The following CCNJL variants were observed in gnomAD, a reference collection of about 807,000 sequenced individuals.
CCNJL encodes the protein cyclin J like.
In CCNJL, 33 loss-of-function variants were observed where a neutral mutation model predicts 33.4. That is an observed-to-expected ratio of 0.99 (90% CI 0.75 to 1.32). CCNJL has a LOEUF of 1.32. Among genes scored for constraint, CCNJL ranks in the 40% most tolerant of loss-of-function variants. The probability of loss-of-function intolerance (pLI) is 0.00; values close to 1 mark genes in which losing one functional copy is unlikely to be tolerated. For missense variants in CCNJL, 512 were observed against 499.7 expected (o/e 1.02, Z -0.23); for synonymous variants, 227 against 220.9 (o/e 1.03, Z -0.24).
chr5:160,308,974 C>G (rs930919616), intron 2 of CCNJL, among the ~76,000 whole-genome samples: 1 of 152,094 alleles, frequency 6.6e-6, no homozygotes, highest in East Asian at 1.9e-4. Context: ...TTGACTTGTT[C>G]CAGGAACAGA....
intron 2 of CCNJL, among the ~76,000 whole-genome samples, chr5:160,289,795 T>A (rs1409366509): frequency 1.3e-5 from 2 of 152,116 alleles, no homozygotes; most frequent in African/African-American, 4.8e-5. Flanking sequence ...TGGCTGCTTT[T>A]CCCAACCCCC....
chr5:160,260,636 G>A (rs1196576226), intron 3 of CCNJL, among the ~76,000 whole-genome samples: 1 of 152,132 alleles, frequency 6.6e-6, no homozygotes, highest in African/African-American at 2.4e-5. Context: ...GGGCATGACA[G>A]CTTCCACTGC....
intron 2 of CCNJL, among the ~76,000 whole-genome samples, chr5:160,290,757 G>T (rs1762556138): frequency 6.6e-6 from 1 of 152,020 alleles, no homozygotes; most frequent in Non-Finnish European, 1.5e-5. Flanking sequence ...GATGCAAAAG[G>T]AACACCTGAT....
chr5:160,275,169 C>T (rs2113325010), intron 3 of CCNJL, among the ~76,000 whole-genome samples: 1 of 151,250 alleles, frequency 6.6e-6, no homozygotes, highest in Non-Finnish European at 1.5e-5. Context: ...ACTGCAACCT[C>T]CGCCTCCCGG....
intron 1 of CCNJL, among the ~76,000 whole-genome samples, chr5:160,335,749 A>ATTTTT (rs70990725): frequency 7.1e-6 from 1 of 140,760 alleles, no homozygotes; most frequent in Admixed American, 7.3e-5. Context: ...TTTTTTTGAA[A>ATTTTT]TTTTTTTTTT....
rs377546531 is a variant in CCNJL at position 160,324,786 on chromosome 5, A to G, written n.207-9281T>C. Among the ~76,000 whole-genome samples the G allele has an allele frequency of 1.7e-3, 262 of 152,350 alleles. 1 individual carries two copies. The highest frequency in any genetic ancestry group is 6.0e-3 in the African/African-American group (250 of 41,574). ...CTGTCATATGTATTTCTTCTTCTACAAACTGTCCTTTACCAATCTTTCTGT... is the reference window on the plus strand; with the variant it reads ...CTGTCATATGTATTTCTTCTTCTACGAACTGTCCTTTACCAATCTTTCTGT... On this transcript the variant is annotated intron_variant and non_coding_transcript_variant, in intron 1 of 7. Transcript: ENST00000377503.
chr5:160,282,966 A>AATATATATATATATATATGTATAT (rs1762263040), intron 2 of CCNJL, among the ~76,000 whole-genome samples: 1 of 43,394 alleles, frequency 2.3e-5, no homozygotes, highest in Non-Finnish European at 4.7e-5. Context: ...CAGTCCTTGG[A>AATATATATATATATATATGTATAT]ATATATATAT....
intron 1 of CCNJL, among the ~76,000 whole-genome samples, chr5:160,336,559 T>C (rs1234425145): frequency 2.6e-5 from 4 of 152,238 alleles, no homozygotes; most frequent in Non-Finnish European, 5.9e-5. Context: ...TCCAGAACTG[T>C]GGGAGAATCC....
chr5:160,330,870 G>A (rs973608037), intron 1 of CCNJL, among the ~76,000 whole-genome samples: 1 of 152,030 alleles, frequency 6.6e-6, no homozygotes, highest in Non-Finnish European at 1.5e-5. Flanking sequence ...CACCATGTTG[G>A]CCGGGCTAGT....
At chr5:160,327,149 T>C (rs1441602047) in intron 1 of CCNJL, among the ~76,000 whole-genome samples, 1 of 151,600 alleles carries the variant, frequency 6.6e-6, no homozygotes, top group African/African-American at 2.4e-5. Context: ...AAGTCTAAAG[T>C]CAGATTGCCT....
intron 5 of CCNJL, chr5:160,254,531 C>T (rs1760967877): frequency 4.6e-6 from 2 of 432,778 alleles, no homozygotes; most frequent in East Asian, 7.1e-5. Flanking sequence ...AAGACAGCTG[C>T]CAGCAAAGCT....
intron 3 of CCNJL, among the ~76,000 whole-genome samples, chr5:160,263,268 T>C (rs909156119): frequency 2.6e-5 from 4 of 152,200 alleles, no homozygotes; most frequent in Non-Finnish European, 4.4e-5. Flanking sequence ...TTCCTACAAA[T>C]TGTAATGTTA....
intron 1 of CCNJL, among the ~76,000 whole-genome samples, chr5:160,328,586 G>A (rs1362827293): frequency 2.0e-5 from 3 of 147,492 alleles, no homozygotes; most frequent in Admixed American, 1.4e-4. Flanking sequence ...GCAAGATACT[G>A]TCTCTTAAAA....
At chr5:160,320,850 C>CTTTCCTTCTTTCTTTCTTTCT (rs1491096774) in intron 1 of CCNJL, among the ~76,000 whole-genome samples, 2 of 55,532 alleles carry the variant, frequency 3.6e-5, no homozygotes, top group Non-Finnish European at 7.6e-5. Context: ...TCTTTCTTTC[C>CTTTCCTTCTTTCTTTCTTTCT]TTCTTTCTTT....
chr5:160,313,921 CTT>C (rs991392449), upstream of CCNJL, among the ~76,000 whole-genome samples: 1 of 152,228 alleles, frequency 6.6e-6, no homozygotes, highest in African/African-American at 2.4e-5. Flanking sequence ...AATCCCAACA[CTT>C]TGGGAGGCCA....
Position 160,254,510 on chromosome 5 carries a change from G to C in CCNJL, c.744-712C>G, listed in dbSNP as rs571023285. 264 of 440,144 alleles carry C rather than the reference G, an allele frequency of 6.0e-4. 1 individual carries two copies. Among genetic ancestry groups the C allele is most frequent in the South Asian group, 3.6e-3 (63 of 17,316 alleles). 27.3% of individuals were successfully genotyped at this position (440,144 alleles called of 1,614,324 possible). A position where few individuals can be genotyped will look rare whatever the true frequency, so the allele number is the denominator to read the frequency against. On this transcript the variant is annotated intron_variant, in intron 5 of 5. Coordinates refer to ENST00000257536, the MANE Select transcript of CCNJL (RefSeq NM_001308173.3). The stretch of plus-strand genomic sequence containing the variant: ...TACGGAGTAGGACTGACTTTTCAGA[G>C]GAATGAGATAAAGACAGCTGCCAGC...
At chr5:160,306,914 T>C (rs891700689) in intron 2 of CCNJL, among the ~76,000 whole-genome samples, 8 of 152,222 alleles carry the variant, frequency 5.3e-5, no homozygotes, top group African/African-American at 1.2e-4. Flanking sequence ...TTGCAGGTAA[T>C]TGCTTTTCTA....
At chr5:160,270,033 G>A (rs1761768650) in intron 3 of CCNJL, among the ~76,000 whole-genome samples, 1 of 152,170 alleles carries the variant, frequency 6.6e-6, no homozygotes, top group Admixed American at 6.5e-5. Flanking sequence ...CATATAGGCT[G>A]GGCACAGTGA....
chr5:160,318,982 A>C (rs2113470194), intron 1 of CCNJL, among the ~76,000 whole-genome samples: 1 of 152,350 alleles, frequency 6.6e-6, no homozygotes, highest in South Asian at 2.1e-4. Context: ...AATTTTTAGA[A>C]AGAACTCACA....
Sources: gnomAD v4.1 joint callset for allele counts (sites outside exome capture counted in the v4.1 genomes callset) on GRCh38, gnomAD v4.1.1 for gene constraint, MANE v1.5 for transcripts, NCBI Gene and HGNC (gene_info 2026-07-23, HGNC 2026-07-21) for gene names.